Variants in ERP44 observed in about 807,000 individuals in gnomAD.
ERP44 encodes the protein endoplasmic reticulum resident protein 44.
A neutral mutation model predicts 53.4 loss-of-function variants in ERP44; 25 were observed. The ratio of observed to expected loss-of-function variants is 0.47; its 90% confidence interval spans 0.34 to 0.65. The LOEUF (loss-of-function observed/expected upper bound fraction) is 0.65, where lower values mean the gene tolerates loss of function less well. Among genes scored for constraint, ERP44 ranks in the 30% least tolerant of loss-of-function variants. ERP44 has a pLI of 0.01. For synonymous variants in ERP44, 145 were observed against 161.2 expected (o/e 0.90, Z 0.76); for missense variants, 338 against 493.2 (o/e 0.69, Z 2.98).
chr9:100,040,042 A>G (rs1825885663), intron 4 of ERP44, among the ~76,000 whole-genome samples: 1 of 151,822 alleles, frequency 6.6e-6, no homozygotes, highest in Non-Finnish European at 1.5e-5. Flanking sequence ...GCTTCTGGCA[A>G]AAAAAAAGCC....
chr9:100,055,333 T>TA (rs1465380477), intron 3 of ERP44, among the ~76,000 whole-genome samples: 1 of 152,226 alleles, frequency 6.6e-6, no homozygotes, highest in Non-Finnish European at 1.5e-5. Flanking sequence ...ATCCTTGAAT[T>TA]AATGAATACT....
At chr9:100,044,772 G>A (rs1014294194) in intron 4 of ERP44, among the ~76,000 whole-genome samples, 4 of 151,966 alleles carry the variant, frequency 2.6e-5, no homozygotes, top group Admixed American at 1.3e-4. Flanking sequence ...ACAAACTACA[G>A]GTTCAGGACT....
chr9:100,074,806 G>A (rs745596129), intron 1 of ERP44, among the ~76,000 whole-genome samples: 1 of 152,202 alleles, frequency 6.6e-6, no homozygotes, highest in Non-Finnish European at 1.5e-5. Context: ...TCCAGTTAAA[G>A]TAGGGGCTTA....
At chr9:100,072,556 CTTG>C (rs1261163612) in intron 1 of ERP44, among the ~76,000 whole-genome samples, 1 of 152,056 alleles carries the variant, frequency 6.6e-6, no homozygotes, top group Non-Finnish European at 1.5e-5. Flanking sequence ...GAGTTTTGCT[CTTG>C]TTGTCCAAGC....
intron 4 of ERP44, among the ~76,000 whole-genome samples, chr9:100,024,055 G>A (rs1830625281): frequency 6.6e-6 from 1 of 152,092 alleles, no homozygotes; most frequent in South Asian, 2.1e-4. Context: ...TCTGGTGGCT[G>A]AGGCACGAGA....
chr9:100,073,066 T>C (rs771952017), intron 1 of ERP44, among the ~76,000 whole-genome samples: 1 of 152,348 alleles, frequency 6.6e-6, no homozygotes, highest in African/African-American at 2.4e-5. Flanking sequence ...TTGACAAACA[T>C]TTCAAGCAAT....
intron 8 of ERP44, among the ~76,000 whole-genome samples, chr9:100,010,901 CAAA>C (rs200594567): frequency 5.1e-5 from 6 of 117,722 alleles, no homozygotes; most frequent in South Asian, 2.6e-4. Flanking sequence ...AACTCCATCT[CAAA>C]AAAAAAAAAA....
At chr9:100,006,750 C>A in intron 9 of ERP44, 103 bp from the exon 10 acceptor site, 1 of 749,296 alleles carries the variant, frequency 1.3e-6, no homozygotes, top group Non-Finnish European at 2.1e-6. Flanking sequence ...AAAAAGCACC[C>A]AACATTCTTA....
chr9:100,004,206 G>C (rs116206180), intron 10 of ERP44, among the ~76,000 whole-genome samples: 229 of 152,284 alleles, frequency 1.5e-3, no homozygotes, highest in African/African-American at 5.3e-3. Context: ...GGCTTTAGGG[G>C]CCAGTCTGAA....
At chr9:100,080,022 C>G (rs542163383) in intron 1 of ERP44, among the ~76,000 whole-genome samples, 1 of 151,748 alleles carries the variant, frequency 6.6e-6, no homozygotes, top group Admixed American at 6.6e-5. Context: ...GTTTAATTTC[C>G]TATCATATTA....
intron 10 of ERP44, among the ~76,000 whole-genome samples, chr9:99,990,237 G>C (rs1830239168): frequency 6.6e-6 from 1 of 151,734 alleles, no homozygotes; most frequent in African/African-American, 2.4e-5. Flanking sequence ...CAAAGTTGAA[G>C]GAAAAAATGT....
intron 4 of ERP44, 116 bp downstream of exon 4, chr9:100,052,301 T>TC: frequency 2.1e-6 from 1 of 474,166 alleles, no homozygotes; most frequent in East Asian, 3.4e-5. Context: ...AAGCAGAGCA[T>TC]TTAAAAAAAA....
intron 1 of ERP44, among the ~76,000 whole-genome samples, chr9:100,091,926 C>A (rs1380566521): frequency 6.6e-6 from 1 of 152,150 alleles, no homozygotes; most frequent in African/African-American, 2.4e-5. Flanking sequence ...CTACAAACAC[C>A]TTTGGCATCC....
intron 1 of ERP44, among the ~76,000 whole-genome samples, chr9:100,085,295 G>A (rs1164974542): frequency 6.6e-6 from 1 of 152,102 alleles, no homozygotes; most frequent in East Asian, 1.9e-4. Flanking sequence ...ACCATATAAT[G>A]AACTTTTCTT....
chr9:100,082,645 A>G (rs910497829), intron 1 of ERP44, among the ~76,000 whole-genome samples: 7 of 152,036 alleles, frequency 4.6e-5, no homozygotes, highest in African/African-American at 1.4e-4. Context: ...CCATAGATAC[A>G]AAAAATTGGT....
intron 1 of ERP44, among the ~76,000 whole-genome samples, chr9:100,097,558 C>A (rs1247501577): frequency 6.6e-6 from 1 of 152,114 alleles, no homozygotes; most frequent in Non-Finnish European, 1.5e-5. Context: ...ATACAGAAGT[C>A]ATTCACTGTT....
intron 4 of ERP44, among the ~76,000 whole-genome samples, chr9:100,034,184 G>T (rs1825826226): frequency 6.6e-6 from 1 of 152,214 alleles, no homozygotes; most frequent in Non-Finnish European, 1.5e-5. Context: ...CTTGCAGGTT[G>T]CAGTAAAGAA....
chr9:99,987,865 C>T (rs1208833491), intron 10 of ERP44, among the ~76,000 whole-genome samples: 2 of 152,010 alleles, frequency 1.3e-5, no homozygotes, highest in African/African-American at 4.8e-5. Context: ...ACAGTATTTC[C>T]CATTGAGTAG....
chr9:100,012,621 G>A (rs1166861556), intron 8 of ERP44, among the ~76,000 whole-genome samples: 1 of 152,064 alleles, frequency 6.6e-6, no homozygotes, highest in Non-Finnish European at 1.5e-5. Context: ...TTTTATGGTG[G>A]AAAAGGTATA....
Sources: allele counts gnomAD v4.1 joint callset (sites outside exome capture counted in the v4.1 genomes callset), GRCh38; gene constraint gnomAD v4.1.1; transcripts MANE v1.5; gene names NCBI Gene and HGNC (gene_info 2026-07-23, HGNC 2026-07-21).